Variants in TENT5D observed in about 807,000 individuals in gnomAD.
TENT5D encodes the protein cancer/testis antigen 112.
For synonymous variants in TENT5D, 103 were observed against 100.6 expected, an observed-to-expected ratio of 1.02 and a Z score of -0.15; for missense variants, 191 against 287.0, an observed-to-expected ratio of 0.67 and a Z score of 2.42.
At chrX:80,434,624 T>C (rs1434620099) in intron 1 of TENT5D, among the ~76,000 whole-genome samples, 3 of 111,241 alleles carry the variant, frequency 2.7e-5, no homozygotes, top group African/African-American at 9.8e-5. Context: ...ATATGAACCT[T>C]ATTGCAACTA....
chrX:80,386,219 T>C (rs1396542264), intron 3 of TENT5D, among the ~76,000 whole-genome samples: 7 of 112,281 alleles, frequency 6.2e-5, no homozygotes, highest in African/African-American at 1.6e-4. Context: ...GTGGCACATA[T>C]ACACCATGGA....
intron 3 of TENT5D, among the ~76,000 whole-genome samples, chrX:80,407,940 A>C (rs1382326442): frequency 9.0e-6 from 1 of 111,706 alleles, no homozygotes; most frequent in African/African-American, 3.3e-5. Flanking sequence ...ACTCAGGATT[A>C]AGAATCTCAC....
intron 3 of TENT5D, among the ~76,000 whole-genome samples, chrX:80,375,452 G>A (rs1313721953): frequency 9.0e-6 from 1 of 111,172 alleles, no homozygotes; most frequent in East Asian, 2.8e-4. Flanking sequence ...TGCTCAATAA[G>A]CATGTGGTTT....
intron 3 of TENT5D, among the ~76,000 whole-genome samples, chrX:80,352,724 A>AC (rs1930207753): frequency 9.7e-6 from 1 of 103,214 alleles, no homozygotes. Context: ...AACAAACAAA[A>AC]AAAAAAAAAA....
At chrX:80,379,628 G>A (rs757875464) in intron 3 of TENT5D, among the ~76,000 whole-genome samples, 42 of 111,119 alleles carry the variant, frequency 3.8e-4, no homozygotes, top group Admixed American at 8.6e-4. Context: ...TATTGCCTCA[G>A]TTTCAGAGCC....
At chrX:80,388,703 C>T (rs1379908816) in intron 3 of TENT5D, among the ~76,000 whole-genome samples, 2 of 111,754 alleles carry the variant, frequency 1.8e-5, no homozygotes, top group Middle Eastern at 4.2e-3. Flanking sequence ...ATACTGCCTG[C>T]GGTTGGTAGA....
intron 3 of TENT5D, among the ~76,000 whole-genome samples, chrX:80,358,995 C>A (rs906886146): frequency 3.6e-5 from 4 of 111,330 alleles, no homozygotes; most frequent in African/African-American, 1.3e-4. Context: ...AAGATTAATA[C>A]CTGTTTCTAA....
intron 1 of TENT5D, among the ~76,000 whole-genome samples, chrX:80,431,266 T>C (rs1469013993): frequency 1.8e-5 from 2 of 110,492 alleles, no homozygotes; most frequent in African/African-American, 6.6e-5. Context: ...ACAAATAGGG[T>C]ATGGGGCCTG....
intron 3 of TENT5D, among the ~76,000 whole-genome samples, chrX:80,364,261 G>A (rs1930463408): frequency 9.0e-6 from 1 of 111,276 alleles, no homozygotes; most frequent in Non-Finnish European, 1.9e-5. Flanking sequence ...ATTCAGGACA[G>A]GTGCATATAC....
chrX:80,396,926 G>T (rs1427774319), intron 3 of TENT5D, among the ~76,000 whole-genome samples: 1 of 89,566 alleles, frequency 1.1e-5, no homozygotes, highest in African/African-American at 4.1e-5. Flanking sequence ...CTCCCTCCCA[G>T]ACGGGGCGGC....
rs181313079 is a variant in TENT5D, at chrX:80,362,014, A to G, written c.-142+19450A>G. ...CCCTTTTTTGGAGTTCTCAGTGTCTATTGTTCCCATCTTTGTAGCCATATG... is the reference window on the plus strand; with the variant it reads ...CCCTTTTTTGGAGTTCTCAGTGTCTGTTGTTCCCATCTTTGTAGCCATATG... On this transcript the variant is annotated intron_variant, in intron 3 of 4. Transcript: ENST00000538312. Among the ~76,000 whole-genome samples, 32 of 110,093 alleles carry G rather than the reference A, an allele frequency of 2.9e-4. No homozygotes were observed. The East Asian group carries it at 8.0e-3, about 28-fold the overall frequency.
chrX:80,419,206 A>G (rs1231737194), upstream of TENT5D, among the ~76,000 whole-genome samples: 1 of 111,772 alleles, frequency 8.9e-6, no homozygotes, highest in Non-Finnish European at 1.9e-5. Context: ...AAAAACTTAT[A>G]TTCAGTATTA....
intron 3 of TENT5D, among the ~76,000 whole-genome samples, chrX:80,381,665 CT>C (rs1243917113): frequency 4.5e-5 from 5 of 111,574 alleles, no homozygotes; most frequent in African/African-American, 1.6e-4. Flanking sequence ...TCTTTTTACT[CT>C]TTTTTTCTCT....
intron 3 of TENT5D, among the ~76,000 whole-genome samples, chrX:80,406,308 C>T (rs1354192664): frequency 1.8e-5 from 2 of 109,068 alleles, no homozygotes; most frequent in South Asian, 8.0e-4. Context: ...CTCTGAGCTA[C>T]GGGAGGACAT....
At chrX:80,346,357 G>T (rs977201095) in intron 3 of TENT5D, among the ~76,000 whole-genome samples, 2 of 112,079 alleles carry the variant, frequency 1.8e-5, no homozygotes, top group African/African-American at 6.5e-5. Context: ...CCAACAGCCA[G>T]GTGTGAGATT....
intron 3 of TENT5D, among the ~76,000 whole-genome samples, chrX:80,359,581 T>C (rs963360172): frequency 1.8e-5 from 2 of 110,610 alleles, no homozygotes; most frequent in African/African-American, 3.3e-5. Context: ...GTGGGAGTTG[T>C]ACAATGAGAA....
rs181270222 is a variant in TENT5D at position 80,403,990 on chromosome X, A to C, written c.-141-34620A>C. On this transcript the variant is annotated intron_variant, in intron 3 of 4. Transcript: ENST00000538312. ...CGATGTACATTGGTTTGGTCCGGTAAGGTGGGACAACTTAAAGTAGGGGCT... is the reference window on the plus strand; with the variant it reads ...CGATGTACATTGGTTTGGTCCGGTACGGTGGGACAACTTAAAGTAGGGGCT... Among the ~76,000 whole-genome samples the C allele has an allele frequency of 1.3e-4, 15 of 111,657 alleles. No individual in the cohort carries two copies. The South Asian group carries it at 4.9e-3, about 37-fold the overall frequency.
At chrX:80,408,014 C>T (rs1394455360) in intron 3 of TENT5D, among the ~76,000 whole-genome samples, 145 of 108,760 alleles carry the variant, frequency 1.3e-3, no homozygotes, top group African/African-American at 4.7e-3. Context: ...GGATACATAA[C>T]GAAATGAAGG....
chrX:80,378,175 A>G (rs1158350078), intron 3 of TENT5D, among the ~76,000 whole-genome samples: 4 of 111,832 alleles, frequency 3.6e-5, no homozygotes, highest in Non-Finnish European at 7.5e-5. Flanking sequence ...ATGGTCTCCC[A>G]TTTTGTAGGT....
Sources: gnomAD v4.1 joint callset for allele counts (sites outside exome capture counted in the v4.1 genomes callset) on GRCh38, gnomAD v4.1.1 for gene constraint, MANE v1.5 for transcripts, NCBI Gene and HGNC (gene_info 2026-07-23, HGNC 2026-07-21) for gene names.